The following BLTP3B variants were observed in gnomAD, a reference collection of about 807,000 sequenced individuals.
The protein encoded by BLTP3B is bridge-like lipid transfer protein family member 3B, also known as UHRF1 (ICBP90) binding protein 1-like.
At chr12:100,091,505 T>C in the BLTP3B span, among the ~76,000 whole-genome samples, 2 of 150,968 alleles carry the variant, frequency 1.3e-5, no homozygotes, top group Non-Finnish European at 3.0e-5. Flanking sequence ...TTGTATTTTA[T>C]TCTATTTTAT....
chr12:100,113,871 AT>A, the BLTP3B span, among the ~76,000 whole-genome samples: 1 of 152,178 alleles, frequency 6.6e-6, no homozygotes, highest in Non-Finnish European at 1.5e-5. Context: ...GTTACAGGGA[AT>A]TTAACAATGC....
chr12:100,139,010 C>CAA, the BLTP3B span, among the ~76,000 whole-genome samples: 2 of 152,188 alleles, frequency 1.3e-5, no homozygotes, highest in South Asian at 2.1e-4. Flanking sequence ...TCCCAAAATA[C>CAA]ATTCAGTCCT....
chr12:100,124,936 TTATATATATATATA>T, the BLTP3B span, among the ~76,000 whole-genome samples: 10,586 of 56,530 alleles, frequency 0.19, 1,138 homozygotes, highest in Middle Eastern at 0.43. Context: ...AAAAAAAATT[TTATATATATATATA>T]TATATATATA....
At chr12:100,063,741 A>G in the BLTP3B span, among the ~76,000 whole-genome samples, 343 of 152,006 alleles carry the variant, frequency 2.3e-3, 7 homozygotes, top group East Asian at 0.039. Context: ...AAAAAGGGAG[A>G]ATACCACTCC....
chr12:100,103,281 T>C, the BLTP3B span, among the ~76,000 whole-genome samples: 1 of 151,922 alleles, frequency 6.6e-6, no homozygotes, highest in African/African-American at 2.4e-5. Context: ...ATGGGAAATA[T>C]GAAATAAGCA....
the BLTP3B span, chr12:100,059,841 G>C: frequency 3.1e-6 from 5 of 1,602,522 alleles, no homozygotes; most frequent in Admixed American, 7.1e-5. Flanking sequence ...CTACTTGTTT[G>C]TATGATACCT....
the BLTP3B span, chr12:100,072,685 T>C: frequency 6.6e-7 from 1 of 1,525,292 alleles, no homozygotes; most frequent in South Asian, 1.3e-5. Flanking sequence ...GAAAATCCTT[T>C]CCATCTGGAT....
the BLTP3B span, chr12:100,058,968 T>C: frequency 1.2e-6 from 2 of 1,614,138 alleles, no homozygotes; most frequent in Non-Finnish European, 1.7e-6. Context: ...ATAATACTCC[T>C]TCAAGAGCTT....
the BLTP3B span, among the ~76,000 whole-genome samples, chr12:100,130,808 C>T: frequency 6.6e-6 from 1 of 152,024 alleles, no homozygotes; most frequent in Admixed American, 6.6e-5. Flanking sequence ...CCTGTAATCC[C>T]AGCTACTTGA....
chr12:100,099,117 G>A, the BLTP3B span, among the ~76,000 whole-genome samples: 3 of 151,132 alleles, frequency 2.0e-5, no homozygotes, highest in Non-Finnish European at 4.4e-5. Context: ...CTCAGCCTCC[G>A]GAGTGGCTGG....
At chr12:100,057,376 C>T in the BLTP3B span, among the ~76,000 whole-genome samples, 1 of 151,904 alleles carries the variant, frequency 6.6e-6, no homozygotes, top group East Asian at 1.9e-4. Context: ...TAGAATATAT[C>T]TAAAAATAAC....
the BLTP3B span, among the ~76,000 whole-genome samples, chr12:100,119,442 T>C: frequency 6.6e-6 from 1 of 152,178 alleles, no homozygotes; most frequent in African/African-American, 2.4e-5. Flanking sequence ...AATGACATAC[T>C]GATTCTAAAA....
chr12:100,073,360 C>G, the BLTP3B span, among the ~76,000 whole-genome samples: 1 of 140,980 alleles, frequency 7.1e-6, no homozygotes, highest in African/African-American at 3.0e-5. Context: ...GATACAGACA[C>G]AGATTTTTTT....
the BLTP3B span, chr12:100,048,345 ACACT>A: frequency 6.4e-6 from 5 of 783,648 alleles, no homozygotes; most frequent in Non-Finnish European, 9.1e-6. Context: ...ATACGTACAC[ACACT>A]AATTTCAATA....
the BLTP3B span, chr12:100,059,075 A>C: frequency 6.2e-7 from 1 of 1,614,084 alleles, no homozygotes; most frequent in Non-Finnish European, 8.5e-7. Context: ...GTGACTCTGC[A>C]TATCTTGTTG....
At chr12:100,118,746 C>A in the BLTP3B span, among the ~76,000 whole-genome samples, 1 of 152,106 alleles carries the variant, frequency 6.6e-6, no homozygotes, top group African/African-American at 2.4e-5. Flanking sequence ...TTTAAAAAAT[C>A]AGAGCTGATT....
chr12:100,130,433 TA>T, the BLTP3B span, among the ~76,000 whole-genome samples: 3 of 152,228 alleles, frequency 2.0e-5, no homozygotes, highest in East Asian at 5.8e-4. Context: ...TCCTATATCT[TA>T]ATTTTATTTG....
chr12:100,111,849 C>T, the BLTP3B span, among the ~76,000 whole-genome samples: 1 of 152,136 alleles, frequency 6.6e-6, no homozygotes, highest in Non-Finnish European at 1.5e-5. Context: ...TGTGATCCAT[C>T]CACCTCGGCC....
chr12:100,084,710 T>C, the BLTP3B span: 2 of 1,538,968 alleles, frequency 1.3e-6, no homozygotes, highest in Middle Eastern at 1.9e-4. Flanking sequence ...CTTTCATTTA[T>C]TATATTATAG....
Sources: gnomAD v4.1 joint callset for allele counts (sites outside exome capture counted in the v4.1 genomes callset) on GRCh38, gnomAD v4.1.1 for gene constraint, MANE v1.5 for transcripts, NCBI Gene and HGNC (gene_info 2026-07-23, HGNC 2026-07-21) for gene names.